The following ST6GAL1 variants were observed in gnomAD, a reference collection of about 807,000 sequenced individuals.
The protein encoded by ST6GAL1 is beta-galactoside alpha-2,6-sialyltransferase 1.
Under a neutral mutation model 38.0 loss-of-function variants are expected in ST6GAL1, and 20 were observed. That is an observed-to-expected ratio of 0.53 (90% CI 0.37 to 0.77). ST6GAL1 has a LOEUF of 0.77. Among genes scored for constraint, ST6GAL1 ranks in the 30% least tolerant of loss-of-function variants. The probability of loss-of-function intolerance (pLI) is 0.00; values close to 1 mark genes in which losing one functional copy is unlikely to be tolerated. For synonymous variants in ST6GAL1, 196 were observed against 188.2 expected, an observed-to-expected ratio of 1.04 and a Z score of -0.34; for missense variants, 432 against 496.4, an observed-to-expected ratio of 0.87 and a Z score of 1.23.
intron 2 of ST6GAL1, among the ~76,000 whole-genome samples, chr3:187,026,829 A>T (rs569210842): frequency 1.3e-5 from 2 of 152,268 alleles, no homozygotes; most frequent in Admixed American, 1.3e-4. Flanking sequence ...GTGGATCATG[A>T]GGTCAGGAGA....
chr3:186,944,671 G>T (rs542131180), intron 1 of ST6GAL1, among the ~76,000 whole-genome samples: 2 of 152,300 alleles, frequency 1.3e-5, no homozygotes, highest in Admixed American at 6.5e-5. Context: ...AAATGAAATT[G>T]CTAACAGAGA....
chr3:187,006,390 A>G (rs118014022), intron 2 of ST6GAL1: 2 of 152,210 alleles, frequency 1.3e-5, no homozygotes, highest in African/African-American at 4.8e-5. Context: ...GTATTTATCA[A>G]AACAAAAATT....
intron 1 of ST6GAL1, among the ~76,000 whole-genome samples, chr3:186,960,570 C>T (rs998149938): frequency 2.6e-5 from 4 of 151,718 alleles, no homozygotes; most frequent in Admixed American, 6.6e-5. Flanking sequence ...CCAGGAAGCA[C>T]GTGAGTAGAT....
chr3:187,050,750 T>C (rs985298085), intron 4 of ST6GAL1, among the ~76,000 whole-genome samples: 1 of 152,202 alleles, frequency 6.6e-6, no homozygotes, highest in Admixed American at 6.5e-5. Context: ...TTGGATGCCA[T>C]AGTTAAATCC....
intron 3 of ST6GAL1, among the ~76,000 whole-genome samples, chr3:187,042,296 T>C (rs1037975347): frequency 6.6e-6 from 1 of 152,152 alleles, no homozygotes; most frequent in Middle Eastern, 3.2e-3. Context: ...CAAGATGTGG[T>C]TTCTGACTTC....
At chr3:187,032,491 T>C (rs1401309347) in intron 2 of ST6GAL1, among the ~76,000 whole-genome samples, 1 of 152,150 alleles carries the variant, frequency 6.6e-6, no homozygotes, top group African/African-American at 2.4e-5. Flanking sequence ...ATTCAACAAA[T>C]GCATACTGAG....
At chr3:187,021,699 C>T (rs1486614526) in intron 2 of ST6GAL1, among the ~76,000 whole-genome samples, 1 of 143,834 alleles carries the variant, frequency 7.0e-6, no homozygotes, top group Non-Finnish European at 1.5e-5. Flanking sequence ...CAAGATCATG[C>T]TACTGCACTC....
At chr3:187,036,128 T>G (rs1192662691) in intron 2 of ST6GAL1, among the ~76,000 whole-genome samples, 1 of 152,136 alleles carries the variant, frequency 6.6e-6, no homozygotes, top group African/African-American at 2.4e-5. Flanking sequence ...AAGATGCATA[T>G]AAGCTGCCAA....
intron 2 of ST6GAL1, among the ~76,000 whole-genome samples, chr3:186,966,749 G>T (rs950559519): frequency 6.6e-6 from 1 of 152,158 alleles, no homozygotes; most frequent in Non-Finnish European, 1.5e-5. Flanking sequence ...GCCCCAGGAG[G>T]TGAGGCCCAG....
chr3:186,974,205 A>G (rs906072775), intron 2 of ST6GAL1, among the ~76,000 whole-genome samples: 6 of 152,166 alleles, frequency 3.9e-5, no homozygotes, highest in African/African-American at 1.2e-4. Context: ...TAGGCTGACC[A>G]GGCGCCTGGC....
rs371144529 is a variant in ST6GAL1 at position 187,050,560 on chromosome 3, G to GAGAGAGAGAGAGAC, written c.608-689_608-688insAGAGAGAGAGAGAC. 2.2e-3 allele frequency among the ~76,000 whole-genome samples: 322 copies of GAGAGAGAGAGAGAC among 149,694 alleles called. 2 individuals are homozygous for GAGAGAGAGAGAGAC. Among genetic ancestry groups the GAGAGAGAGAGAGAC allele is most frequent in the Middle Eastern group, 6.8e-3 (2 of 294 alleles). ...AGAGAGAGAGAGAGAGAGAGAGAGA[G>GAGAGAGAGAGAGAC]GGAGGGAGGGAAGGAAGGAGGGAGG... On this transcript the variant is annotated intron_variant, in intron 4 of 7. Transcript: ENST00000169298.
chr3:187,042,866 G>A lies in ST6GAL1; in HGVS notation c.163G>A (p.Ala55Thr), dbSNP rs373712458. 12 of 1,614,160 alleles carry A rather than the reference G, an allele frequency of 7.4e-6. No individual in the cohort carries two copies. In the African/African-American group the frequency reaches 1.6e-4, roughly 22 times the overall value. The change falls in exon 4 of 8, where the codon GCC (alanine) becomes ACC (threonine). Residue 55 changes from alanine (A) to threonine (T), a missense_variant. Transcript: ENST00000169298. ...FQVLKSLGKL[A>T]MGSDSQSVSS... The stretch of plus-strand genomic sequence containing the variant: ...GGTGTTAAAGAGTCTGGGGAAATTG[G>A]CCATGGGGTCTGATTCCCAGTCTGT...
At chr3:186,975,527 T>C (rs1362621459) in intron 2 of ST6GAL1, among the ~76,000 whole-genome samples, 1 of 152,192 alleles carries the variant, frequency 6.6e-6, no homozygotes, top group Non-Finnish European at 1.5e-5. Flanking sequence ...CGTACCTGCC[T>C]GGCCATCTGC....
intron 2 of ST6GAL1, among the ~76,000 whole-genome samples, chr3:186,972,126 A>G (rs1051760894): frequency 3.3e-5 from 5 of 152,246 alleles, no homozygotes; most frequent in East Asian, 3.8e-4. Flanking sequence ...ACTCCATTTT[A>G]TAAATGAGGA....
At chr3:186,986,096 G>A (rs919904320) in intron 2 of ST6GAL1, among the ~76,000 whole-genome samples, 8 of 152,210 alleles carry the variant, frequency 5.3e-5, no homozygotes, top group Non-Finnish European at 1.2e-4. Context: ...AGTAGAAAGT[G>A]GGGAAGTGTA....
chr3:187,024,463 CAT>C (rs1560166678), intron 2 of ST6GAL1, among the ~76,000 whole-genome samples: 3 of 130,234 alleles, frequency 2.3e-5, no homozygotes, highest in African/African-American at 8.9e-5. Context: ...CATATATACA[CAT>C]ATATATGTGT....
intron 1 of ST6GAL1, among the ~76,000 whole-genome samples, chr3:186,946,612 C>T (rs1416977550): frequency 6.6e-6 from 1 of 152,198 alleles, no homozygotes; most frequent in East Asian, 1.9e-4. Context: ...ATCTTTCACA[C>T]TTCTATCCAT....
At chr3:186,962,951 C>G (rs1043905496) in intron 1 of ST6GAL1, among the ~76,000 whole-genome samples, 25 of 152,162 alleles carry the variant, frequency 1.6e-4, no homozygotes, top group African/African-American at 5.5e-4. Context: ...TTTATTACAT[C>G]TTTATAAAAA....
At chr3:186,953,160 T>C (rs1714637458) in intron 1 of ST6GAL1, among the ~76,000 whole-genome samples, 1 of 152,156 alleles carries the variant, frequency 6.6e-6, no homozygotes, top group African/African-American at 2.4e-5. Flanking sequence ...ACCAGAGTGA[T>C]CATTTTAAAA....
Sources: gnomAD v4.1 joint callset for allele counts (sites outside exome capture counted in the v4.1 genomes callset) on GRCh38, gnomAD v4.1.1 for gene constraint, MANE v1.5 for transcripts, NCBI Gene and HGNC (gene_info 2026-07-23, HGNC 2026-07-21) for gene names.